AKAP13: variants seen among roughly 807,000 people sequenced by gnomAD.
The protein encoded by AKAP13 is A-kinase anchoring protein 13, also known as A-kinase anchor protein 13.
Under a neutral mutation model 264.5 loss-of-function variants are expected in AKAP13, and 80 were observed. That is an observed-to-expected ratio of 0.30 (90% CI 0.25 to 0.36). AKAP13 has a LOEUF of 0.36. Ranked by LOEUF, AKAP13 falls within the 10% of genes least tolerant of loss-of-function variation. The pLI is 1.00. For missense variants in AKAP13, 3,712 were observed against 3,435.2 expected (o/e 1.08, Z -2.01); for synonymous variants, 1,380 against 1,250.2 (o/e 1.10, Z -2.19).
Position 85,744,825 on chromosome 15 carries a change from AGC to A in AKAP13, c.*149_*150del. 1 of 645,654 alleles carries A rather than the reference AGC, an allele frequency of 1.5e-6. No homozygotes were observed. 40.0% of individuals were successfully genotyped at this position (645,654 alleles called of 1,614,324 possible). Reference sequence around the variant, plus strand: ...GGGCGGCCCCAGGTCCTGGACAATAAGCAACAGATGATATTGAGTGTCGGGTG... The same window carrying A: ...GGGCGGCCCCAGGTCCTGGACAATAAAACAGATGATATTGAGTGTCGGGTG... On this transcript the variant is annotated 3_prime_UTR_variant, in exon 37 of 37. Transcript: ENST00000394518.
intron 5 of AKAP13, among the ~76,000 whole-genome samples, chr15:85,562,574 A>AATATAT (rs1224541443): frequency 2.3e-4 from 18 of 77,682 alleles, no homozygotes; most frequent in Non-Finnish European, 4.5e-4. Context: ...CAAAAAAAAA[A>AATATAT]ATATATATAT....
intron 1 of AKAP13, among the ~76,000 whole-genome samples, chr15:85,463,744 A>G (rs1015557250): frequency 8.6e-5 from 13 of 151,998 alleles, no homozygotes; most frequent in South Asian, 2.1e-4. Flanking sequence ...AGTGAGTTCT[A>G]TTGATATCTG....
At chr15:85,739,833 CAG>C (rs1431377922) in intron 33 of AKAP13, among the ~76,000 whole-genome samples, 2 of 152,252 alleles carry the variant, frequency 1.3e-5, no homozygotes, top group East Asian at 3.9e-4. Flanking sequence ...CCAATTTTCT[CAG>C]AACAATTAAT....
chr15:85,461,466 G>T (rs989079344), intron 1 of AKAP13, among the ~76,000 whole-genome samples: 14 of 152,160 alleles, frequency 9.2e-5, no homozygotes, highest in African/African-American at 3.4e-4. Context: ...CTAACACAGT[G>T]TTAACCCTGA....
At chr15:85,439,840 G>A (rs1390428508) in intron 1 of AKAP13, among the ~76,000 whole-genome samples, 1 of 104,900 alleles carries the variant, frequency 9.5e-6, no homozygotes, top group South Asian at 4.2e-4. Context: ...GGAGGGGGGA[G>A]GGATAGCATT....
intron 1 of AKAP13, among the ~76,000 whole-genome samples, chr15:85,389,042 G>C (rs183093199): frequency 1.4e-3 from 207 of 152,250 alleles, no homozygotes; most frequent in African/African-American, 4.7e-3. Flanking sequence ...CTCTATTCTG[G>C]CAGTTGAGAA....
At chr15:85,693,622 T>TA (rs1315367709) in intron 17 of AKAP13, among the ~76,000 whole-genome samples, 171 bp downstream of exon 17, 3 of 152,256 alleles carry the variant, frequency 2.0e-5, no homozygotes, top group Admixed American at 6.5e-5. Flanking sequence ...ATGTATAACA[T>TA]ACAGCCTATA....
intron 8 of AKAP13, among the ~76,000 whole-genome samples, chr15:85,621,102 AG>A (rs2081166953): frequency 6.6e-6 from 1 of 152,228 alleles, no homozygotes; most frequent in Non-Finnish European, 1.5e-5. Context: ...GCCTTGGTCA[AG>A]GAAATAGTGG....
chr15:85,457,968 C>T (rs1240467630), intron 1 of AKAP13, among the ~76,000 whole-genome samples: 2 of 151,806 alleles, frequency 1.3e-5, no homozygotes, highest in African/African-American at 4.8e-5. Context: ...GGTGAAACCC[C>T]GTCTCTACTA....
intron 23 of AKAP13, among the ~76,000 whole-genome samples, chr15:85,720,257 ACT>A (rs1483541079): frequency 3.8e-5 from 2 of 53,092 alleles, no homozygotes; most frequent in Admixed American, 2.6e-4. Flanking sequence ...TTAAAAACAA[ACT>A]CTGTGTGTGT....
intron 3 of AKAP13, among the ~76,000 whole-genome samples, chr15:85,523,980 A>G (rs1342016066): frequency 2.0e-5 from 3 of 152,198 alleles, no homozygotes; most frequent in African/African-American, 4.8e-5. Context: ...ATCTGCATGG[A>G]AAGTCCAGTC....
At chr15:85,639,189 A>T (rs1317382800) in intron 8 of AKAP13, among the ~76,000 whole-genome samples, 185 bp from the exon 9 acceptor site, 5 of 152,036 alleles carry the variant, frequency 3.3e-5, no homozygotes, top group Non-Finnish European at 5.9e-5. Context: ...ACCTCTAAAG[A>T]TCCTTGAGTA....
Position 85,669,775 on chromosome 15 carries a change from C to T in AKAP13, c.5046C>T (p.Ser1682=), listed in dbSNP as rs780621876. The part of the protein sequence containing the change: ...QGFNYCTSAI[S]SPLTKSISLM... Reference sequence around the variant, plus strand: ...TTAATTACTGTACATCAGCCATTTCCTCTCCATTGACAAAATCCATCTCAT... The same window carrying T: ...TTAATTACTGTACATCAGCCATTTCTTCTCCATTGACAAAATCCATCTCAT... The change falls in exon 14 of 37, where the codon TCC becomes TCT. Residue 1682 remains serine, a synonymous_variant. Transcript: ENST00000394518. The T allele has an allele frequency of 1.2e-6, 2 of 1,613,598 alleles. No individual in the cohort carries two copies. Among genetic ancestry groups the T allele is most frequent in the Non-Finnish European group, 1.7e-6 (2 of 1,179,744 alleles).
At position 85,691,973 on chromosome 15, in the gene AKAP13, C is replaced by T. The variant is rs2085311060; in HGVS notation, c.5290-1304C>T. ...CAGGGTAGAGGAGTGAGCTACTAAG[C>T]CTTGGGACTTCCTTTCCCTGGAACC... On this transcript the variant is annotated intron_variant, in intron 16 of 36. Coordinates refer to ENST00000394518, the MANE Select transcript of AKAP13 (RefSeq NM_007200.5). 1.1e-5 allele frequency: 5 copies of T among 438,756 alleles called. No individual in the cohort carries two copies. The Admixed American group carries it at 1.3e-4, about 11-fold the overall frequency. 27.2% of individuals were successfully genotyped at this position (438,756 alleles called of 1,614,324 possible).
At chr15:85,655,093 G>A (rs1205675619) in intron 10 of AKAP13, among the ~76,000 whole-genome samples, 1 of 152,232 alleles carries the variant, frequency 6.6e-6, no homozygotes, top group East Asian at 1.9e-4. Flanking sequence ...TTGGGAGGCC[G>A]AGGCAGGATA....
At chr15:85,615,703 T>G (rs1170905793) in intron 8 of AKAP13, among the ~76,000 whole-genome samples, 1 of 152,216 alleles carries the variant, frequency 6.6e-6, no homozygotes, top group Admixed American at 6.5e-5. Context: ...AGTGTCATTA[T>G]GCAGGAATAA....
intron 8 of AKAP13, among the ~76,000 whole-genome samples, chr15:85,629,816 G>T: frequency 9.1e-6 from 1 of 109,294 alleles, no homozygotes; most frequent in African/African-American, 3.4e-5. Context: ...GTCTGGCTGT[G>T]TCACCCAGGC....
Position 85,710,625 on chromosome 15 carries a change from C to G in AKAP13, c.5579C>G (p.Thr1860Arg), listed in dbSNP as rs146388266. Residue 1860 changes from threonine to arginine, a missense_variant, in exon 19 of 37, where the codon ACG becomes AGG. Transcript: ENST00000394518. ...GCACATGACACATCATCACTGCCCA[C>G]GGTCATTATGAGAAACAAGCGTAAG... Reference protein sequence around the residue: ...LQAHDTSSLPTVIMRNKPSQP... With the variant: ...LQAHDTSSLPRVIMRNKPSQP... 2.5e-6 allele frequency: 4 copies of G among 1,613,632 alleles called. No homozygotes were observed. The highest frequency in any genetic ancestry group is 3.4e-6 in the Non-Finnish European group (4 of 1,179,840).
At chr15:85,625,451 T>C (rs935391482) in intron 8 of AKAP13, among the ~76,000 whole-genome samples, 3 of 152,330 alleles carry the variant, frequency 2.0e-5, no homozygotes, top group Middle Eastern at 3.4e-3. Context: ...CCAATTTATC[T>C]GTTAGCGTGA....
Sources: gnomAD v4.1 joint callset for allele counts (sites outside exome capture counted in the v4.1 genomes callset) on GRCh38, gnomAD v4.1.1 for gene constraint, MANE v1.5 for transcripts, NCBI Gene and HGNC (gene_info 2026-07-23, HGNC 2026-07-21) for gene names.